The following PCED1B variants were observed in gnomAD, a reference collection of about 807,000 sequenced individuals.
The protein encoded by PCED1B is PC-esterase domain-containing protein 1B.
For missense variants in PCED1B, 573 were observed against 573.9 expected, an observed-to-expected ratio of 1.00 and a Z score of 0.02; for synonymous variants, 251 against 246.1, an observed-to-expected ratio of 1.02 and a Z score of -0.19.
intron 2 of PCED1B, among the ~76,000 whole-genome samples, chr12:47,185,427 T>G (rs1346132015): frequency 6.6e-6 from 1 of 152,170 alleles, no homozygotes; most frequent in African/African-American, 2.4e-5. Flanking sequence ...GTATTGCTGG[T>G]GTAGGAGAGG....
Position 47,235,478 on chromosome 12 carries a change from TACCTGGAGA to T in PCED1B, c.430_438del (p.Glu144_Leu146del), listed in dbSNP as rs751227338. 5.8e-5 allele frequency: 93 copies of T among 1,613,770 alleles called. No individual in the cohort carries two copies. The highest frequency in any genetic ancestry group is 7.3e-5 in the Non-Finnish European group (86 of 1,179,872). On this transcript the variant is annotated inframe_deletion, in exon 4 of 4. Transcript: ENST00000546455. Reference sequence around the variant, plus strand: ...GTATGGTCCGAACTCCTGGAGAAGCTACCTGGAGAACCTGGAGAACCTGTTCCAGTGCCT... The same window carrying T: ...GTATGGTCCGAACTCCTGGAGAAGCTACCTGGAGAACCTGTTCCAGTGCCT...
At chr12:47,194,199 G>A (rs1942531509) in intron 2 of PCED1B, among the ~76,000 whole-genome samples, 1 of 152,140 alleles carries the variant, frequency 6.6e-6, no homozygotes, top group South Asian at 2.1e-4. Context: ...TTTTGAGATG[G>A]AGTCTCACTC....
intron 2 of PCED1B, among the ~76,000 whole-genome samples, chr12:47,191,918 C>G (rs1346648739): frequency 6.6e-6 from 1 of 151,778 alleles, no homozygotes; most frequent in Non-Finnish European, 1.5e-5. Flanking sequence ...ACATCATTTT[C>G]TTTAGATACT....
intron 2 of PCED1B, among the ~76,000 whole-genome samples, chr12:47,123,153 A>C: frequency 6.6e-6 from 1 of 152,198 alleles, no homozygotes; most frequent in East Asian, 1.9e-4. Flanking sequence ...TTTTCCACAA[A>C]ACAAGGTAAT....
chr12:47,204,682 T>G (rs1323615653), intron 2 of PCED1B, among the ~76,000 whole-genome samples: 1 of 152,116 alleles, frequency 6.6e-6, no homozygotes, highest in Non-Finnish European at 1.5e-5. Flanking sequence ...TCCTTAATCC[T>G]CCACTGCCTA....
chr12:47,174,019 C>A (rs1455075092), intron 2 of PCED1B, among the ~76,000 whole-genome samples: 2 of 152,168 alleles, frequency 1.3e-5, no homozygotes, highest in East Asian at 3.9e-4. Context: ...GTGGCTCACA[C>A]CTGTAATCCC....
At position 47,221,338 on chromosome 12, in the gene PCED1B, CTTTTTTT is replaced by C. The variant is rs63059763; in HGVS notation, c.-58+4666_-58+4672del. Among the ~76,000 whole-genome samples the C allele has an allele frequency of 2.8e-5, 3 of 108,910 alleles. No individual in the cohort carries two copies. The Admixed American group carries it at 3.0e-4, about 11-fold the overall frequency. 71.4% of individuals were successfully genotyped at this position (108,910 alleles called of 152,430 possible). On this transcript the variant is annotated intron_variant, in intron 3 of 3. Transcript: ENST00000546455. Reference sequence around the variant, plus strand: ...CCAATATTTGTTAGACATCAAAATTCTTTTTTTTTTTTTTTTTTTTTTTAAGAAAGGG... The same window carrying C: ...CCAATATTTGTTAGACATCAAAATTCTTTTTTTTTTTTTTTTAAGAAAGGG...
chr12:47,109,621 A>G (rs559286307), intron 2 of PCED1B, among the ~76,000 whole-genome samples: 17 of 152,324 alleles, frequency 1.1e-4, no homozygotes, highest in Non-Finnish European at 1.6e-4. Context: ...ATAAAATTCC[A>G]TATGTGGAAA....
chr12:47,186,078 T>A (rs563037506), intron 2 of PCED1B, among the ~76,000 whole-genome samples: 1 of 151,682 alleles, frequency 6.6e-6, no homozygotes, highest in Non-Finnish European at 1.5e-5. Flanking sequence ...ATTAGCCAGA[T>A]GTGGTGGCAC....
At chr12:47,182,307 A>G (rs934612506) in intron 2 of PCED1B, among the ~76,000 whole-genome samples, 1 of 152,150 alleles carries the variant, frequency 6.6e-6, no homozygotes, top group Non-Finnish European at 1.5e-5. Context: ...TGATAAGAAT[A>G]CTACTGCCCT....
chr12:47,116,760 C>A (rs1939439259), intron 2 of PCED1B, among the ~76,000 whole-genome samples: 1 of 151,804 alleles, frequency 6.6e-6, no homozygotes, highest in Non-Finnish European at 1.5e-5. Context: ...CATTAAGTAG[C>A]AAATAAAAAA....
chr12:47,215,256 C>T (rs1943217638), intron 2 of PCED1B, among the ~76,000 whole-genome samples: 1 of 144,114 alleles, frequency 6.9e-6, no homozygotes, highest in Admixed American at 7.0e-5. Context: ...CTCCCCCACC[C>T]TTTTTTTTTT....
At chr12:47,151,525 A>C (rs1940992424) in intron 2 of PCED1B, among the ~76,000 whole-genome samples, 1 of 152,204 alleles carries the variant, frequency 6.6e-6, no homozygotes, top group African/African-American at 2.4e-5. Flanking sequence ...TGTATATATA[A>C]AGAGATCTAT....
chr12:47,089,457 A>AAAATAC (rs1250680200), intron 1 of PCED1B, among the ~76,000 whole-genome samples: 10 of 29,438 alleles, frequency 3.4e-4, no homozygotes, highest in Admixed American at 5.6e-4. Context: ...AAAAAAAAAA[A>AAAATAC]ATACATATAT....
Position 47,230,194 on chromosome 12 carries a change from C to T in PCED1B, c.-57-4813C>T, listed in dbSNP as rs1197862562. ...CCGCCTCCCAGGTTCACACCTTTCT[C>T]CTGCCTCAGCCTCCCGAGTAGCTGG... is the stretch of plus-strand genomic sequence containing the variant. On this transcript the variant is annotated intron_variant, in intron 3 of 3. Coordinates refer to ENST00000546455, the MANE Select transcript of PCED1B (RefSeq NM_138371.3). Among the ~76,000 whole-genome samples, 3 of 149,660 alleles carry T rather than the reference C, an allele frequency of 2.0e-5. No individual in the cohort carries two copies. In the South Asian group the frequency reaches 6.3e-4, roughly 32 times the overall value.
At chr12:47,234,966 A>C in intron 3 of PCED1B, 41 bp from the exon 4 acceptor site, 1 of 1,185,292 alleles carries the variant, frequency 8.4e-7, no homozygotes. Flanking sequence ...CGCTCCGCCC[A>C]GAGGTGAGTC....
intron 3 of PCED1B, chr12:47,223,896 G>C (rs1943559518): frequency 6.6e-6 from 1 of 152,184 alleles, no homozygotes; most frequent in South Asian, 2.1e-4. Context: ...TATTTGACGA[G>C]GTAGGTAATA....
intron 2 of PCED1B, among the ~76,000 whole-genome samples, chr12:47,116,268 G>C (rs988472140): frequency 6.6e-6 from 1 of 151,772 alleles, no homozygotes; most frequent in Non-Finnish European, 1.5e-5. Flanking sequence ...GATAAGCTCT[G>C]TCCTCACCAA....
chr12:47,201,570 T>C (rs891990601), intron 2 of PCED1B, among the ~76,000 whole-genome samples: 8 of 152,010 alleles, frequency 5.3e-5, no homozygotes, highest in African/African-American at 1.9e-4. Context: ...CAGTATTTTA[T>C]TGTTATTCCT....
Sources: gnomAD v4.1 joint callset for allele counts (sites outside exome capture counted in the v4.1 genomes callset) on GRCh38, gnomAD v4.1.1 for gene constraint, MANE v1.5 for transcripts, NCBI Gene and HGNC (gene_info 2026-07-23, HGNC 2026-07-21) for gene names.